The following SLC2A6 variants were observed in gnomAD, a reference collection of about 807,000 sequenced individuals.
The protein encoded by SLC2A6 is solute carrier family 2 member 6, also known as solute carrier family 2, facilitated glucose transporter member 6.
Under a neutral mutation model 47.8 loss-of-function variants are expected in SLC2A6, and 39 were observed. That is an observed-to-expected ratio of 0.82 (90% CI 0.63 to 1.07). The LOEUF is 1.07. Among genes scored for constraint, SLC2A6 ranks in the 50% least tolerant of loss-of-function variants. The probability of loss-of-function intolerance (pLI) is 0.00; values close to 1 mark genes in which losing one functional copy is unlikely to be tolerated. For synonymous variants in SLC2A6, 346 were observed against 324.1 expected (o/e 1.07, Z -0.73); for missense variants, 650 against 707.6 (o/e 0.92, Z 0.92).
Position 133,474,052 on chromosome 9 carries a change from G to T in SLC2A6, c.964C>A (p.Arg322=), listed in dbSNP as rs781878936. The T allele has an allele frequency of 6.2e-7, 1 of 1,609,466 alleles. No individual in the cohort carries two copies. Among genetic ancestry groups the T allele is most frequent in the Admixed American group, 1.7e-5 (1 of 59,812 alleles). ...KDDAAIVGAV[R]LLSVLIAALT... is the part of the protein sequence containing the mutation. ...GCGGCGATCAGCACGGACAGGAGCCGCACGGCCCCAACGATGGCTGCGTCG... is the reference window on the plus strand; with the variant it reads ...GCGGCGATCAGCACGGACAGGAGCCTCACGGCCCCAACGATGGCTGCGTCG... The change falls in exon 7 of 10, where the codon CGG becomes AGG. Residue 322 remains arginine (R), a synonymous_variant. Transcript: ENST00000371899.
chr9:133,477,703 G>A (rs1242242990), intron 2 of SLC2A6, among the ~76,000 whole-genome samples: 1 of 152,238 alleles, frequency 6.6e-6, no homozygotes, highest in Non-Finnish European at 1.5e-5. Context: ...GTTCTACCTC[G>A]TGGCGTTGGC....
Position 133,476,330 on chromosome 9 carries a change from C to A in SLC2A6, c.469G>T (p.Val157Leu). 6.2e-7 allele frequency: 1 copy of A among 1,612,744 alleles called. No homozygotes were observed. The highest frequency in any genetic ancestry group is 8.5e-7 in the Non-Finnish European group (1 of 1,179,792). The change falls in exon 4 of 10, where the codon GTG (valine) becomes TTG (leucine). Residue 157 changes from valine (V) to leucine (L), a missense_variant. Coordinates refer to ENST00000371899, the MANE Select transcript of SLC2A6 (RefSeq NM_017585.4). ...ACGCCTGGGGGAGCAATCTCAGACA[C>A]GTACACCTGCAAGACACAGCCGCCG... Reference protein sequence around the residue: ...GLTAACIPVYVSEIAPPGVRG... With the variant: ...GLTAACIPVYLSEIAPPGVRG...
chr9:133,473,080 C>G, intron 9 of SLC2A6, 25 bp downstream of exon 9: 1 of 1,593,210 alleles, frequency 6.3e-7, no homozygotes, highest in African/African-American at 1.4e-5. Flanking sequence ...GCCTAGGGGC[C>G]TGGGGCCTGG....
rs1452725220 is a variant in SLC2A6, at chr9:133,478,267, G to A, written c.242C>T (p.Ala81Val). Reference sequence around the variant, plus strand: ...GATGGTCCTTACCCCAAACCAGGATGCCTGGGATTTGGTCAGATGCAGGTC... The same window carrying A: ...GATGGTCCTTACCCCAAACCAGGATACCTGGGATTTGGTCAGATGCAGGTC... ...DPDLHLTKSQ[A>V]SWFGSVFTLG... Residue 81 changes from alanine to valine, a missense_variant, in exon 2 of 10, where the codon GCA (alanine) becomes GTA (valine). Transcript: ENST00000371899. 4 of 1,613,902 alleles carry A rather than the reference G, an allele frequency of 2.5e-6. No homozygotes were observed. Among genetic ancestry groups the A allele is most frequent in the Non-Finnish European group, 3.4e-6 (4 of 1,180,000 alleles).
At position 133,474,077 on chromosome 9, in the gene SLC2A6, G is replaced by A. The variant is rs370840549; in HGVS notation, c.939C>T (p.Asp313=). Residue 313 remains aspartate, a synonymous_variant, in exon 7 of 10, where the codon GAC becomes GAT. Coordinates refer to ENST00000371899, the MANE Select transcript of SLC2A6 (RefSeq NM_017585.4). ...DSTAVLLPPK[D]DAAIVGAVRL... ...GCACGGCCCCAACGATGGCTGCGTC[G>A]TCCTTGGGGGGCTATCGGGGGGAGA... is the stretch of plus-strand genomic sequence containing the variant. 40 of 1,604,374 alleles carry A rather than the reference G, an allele frequency of 2.5e-5. No individual in the cohort carries two copies. In the African/African-American group the frequency reaches 2.8e-4, roughly 11 times the overall value.
chr9:133,476,146 G>C, intron 4 of SLC2A6, 91 bp downstream of exon 4: 2 of 1,030,242 alleles, frequency 1.9e-6, no homozygotes, highest in South Asian at 3.0e-5. Flanking sequence ...GATCTGTTCT[G>C]GGACAAATCA....
chr9:133,478,339 A>C lies in SLC2A6; in HGVS notation c.170T>G (p.Val57Gly). ...LGNFSFGYAL[V>G]YTSPVIPALE... ...GGCTGGGATGACAGGGGATGTGTAGACCAGGGCATACCCAAAGCTGAAATT... is the reference window on the plus strand; with the variant it reads ...GGCTGGGATGACAGGGGATGTGTAGCCCAGGGCATACCCAAAGCTGAAATT... Residue 57 changes from valine (V) to glycine (G), a missense_variant, in exon 2 of 10, where the codon GTC (valine) becomes GGC (glycine). Val to Gly is a moderately radical substitution (Grantham distance 109). Coordinates refer to ENST00000371899, the MANE Select transcript of SLC2A6 (RefSeq NM_017585.4). 1 of 1,614,110 alleles carries C rather than the reference A, an allele frequency of 6.2e-7. No homozygotes were observed. The highest frequency in any genetic ancestry group is 8.5e-7 in the Non-Finnish European group (1 of 1,180,002).
At position 133,473,540 on chromosome 9, in the gene SLC2A6, G is replaced by T. The variant is rs781949406; in HGVS notation, c.1097C>A (p.Pro366His). The change falls in exon 8 of 10, where the codon CCT (proline) becomes CAT (histidine). Residue 366 changes from proline (P) to histidine (H), a missense_variant. Coordinates refer to ENST00000371899, the MANE Select transcript of SLC2A6 (RefSeq NM_017585.4). ...GCCCGCAGTGCTGTTGGGGCTCAGA[G>T]GCCTGGGGCCAAAGTGGATGTACAG... The part of the protein sequence containing the change: ...LGLYIHFGPR[P>H]LSPNSTAGLE... The T allele has an allele frequency of 1.3e-6, 2 of 1,583,910 alleles. No individual in the cohort carries two copies. The highest frequency in any genetic ancestry group is 3.6e-5 in the Admixed American group (2 of 55,342).
intron 6 of SLC2A6, 84 bp from the exon 7 acceptor site, chr9:133,474,172 T>G: frequency 1.8e-6 from 2 of 1,129,494 alleles, no homozygotes; most frequent in Non-Finnish European, 2.5e-6. Flanking sequence ...CGGCAGGCAT[T>G]GCAGGGGCTC....
chr9:133,476,445 C>A, intron 3 of SLC2A6, 109 bp from the exon 4 acceptor site: 1 of 926,968 alleles, frequency 1.1e-6, no homozygotes, highest in Non-Finnish European at 1.7e-6. Context: ...GAAGTGGAGG[C>A]TTTCTGGTGG....
rs782031901 is a variant in SLC2A6 at position 133,472,062 on chromosome 9, C to T, written c.1483G>A (p.Glu495Lys). The change falls in exon 10 of 10, where the codon GAG becomes AAG. Residue 495 changes from glutamate to lysine, a missense_variant. Physicochemically the swap from Glu to Lys is moderately conservative, Grantham distance 56. Transcript: ENST00000371899. The part of the protein sequence containing the change: ...ETKGRSLEQI[E>K]SFFRTGRRSF... ...CTTCTCCCCGTGCGGAAGAAGGACT[C>T]GATCTGCTCCAGGGACCGTCCCTTG... The T allele has an allele frequency of 4.3e-6, 7 of 1,613,164 alleles. No homozygotes were observed. The highest frequency in any genetic ancestry group is 2.7e-5 in the African/African-American group (2 of 74,878).
rs1554801628 is a variant in SLC2A6 at position 133,472,036 on chromosome 9, C to A, written c.1509G>T (p.Arg503Ser). 9 of 1,612,818 alleles carry A rather than the reference C, an allele frequency of 5.6e-6. No individual in the cohort carries two copies. Among genetic ancestry groups the A allele is most frequent in the Non-Finnish European group, 5.1e-6 (6 of 1,179,672 alleles). The change falls in exon 10 of 10, where the codon AGG becomes AGT. Residue 503 changes from arginine to serine, a missense_variant. By Grantham distance (110) the Arg-to-Ser change is moderately radical. Coordinates refer to ENST00000371899, the MANE Select transcript of SLC2A6 (RefSeq NM_017585.4). Reference protein sequence around the residue: ...QIESFFRTGRRSFLR With the variant: ...QIESFFRTGRSSFLR Reference sequence around the variant, plus strand: ...GGACCTTGACCTAGCGCAAGAAGGACCTTCTCCCCGTGCGGAAGAAGGACT... The same window carrying A: ...GGACCTTGACCTAGCGCAAGAAGGAACTTCTCCCCGTGCGGAAGAAGGACT...
Position 133,474,038 on chromosome 9 carries a change from C to T in SLC2A6, c.978G>A (p.Val326=). ...GGTCCATGGTGAGGGCGGCGATCAG[C>T]ACGGACAGGAGCCGCACGGCCCCAA... ...AIVGAVRLLS[V]LIAALTMDLA... The change falls in exon 7 of 10, where the codon GTG becomes GTA. Residue 326 remains valine (V), a synonymous_variant. Transcript: ENST00000371899. 6.2e-7 allele frequency: 1 copy of T among 1,610,946 alleles called. No individual in the cohort carries two copies. Among genetic ancestry groups the T allele is most frequent in the Non-Finnish European group, 8.5e-7 (1 of 1,179,154 alleles).
In SLC2A6 at chr9:133,475,454, C is replaced by G. The variant is rs373828869; in HGVS notation, c.720G>C (p.Thr240=). ...CGAACTCCCAGTGGACATCGACGTCCGTCCCACGCAGCCAGGCCAGCGCCC... is the reference window on the plus strand; with the variant it reads ...CGAACTCCCAGTGGACATCGACGTCGGTCCCACGCAGCCAGGCCAGCGCCC... The part of the protein sequence containing the change: ...ALRALAWLRG[T]DVDVHWEFEQ... Residue 240 remains threonine (T), a synonymous_variant, in exon 5 of 10, where the codon ACG becomes ACC. Transcript: ENST00000371899. 5.6e-6 allele frequency: 9 copies of G among 1,611,582 alleles called. No individual in the cohort carries two copies. In the African/African-American group the frequency reaches 1.2e-4, roughly 22 times the overall value.
Position 133,475,566 on chromosome 9 carries a change from G to T in SLC2A6, c.608C>A (p.Pro203His), listed in dbSNP as rs1554803117. 6.2e-7 allele frequency: 1 copy of T among 1,608,220 alleles called. No homozygotes were observed. The highest frequency in any genetic ancestry group is 8.5e-7 in the Non-Finnish European group (1 of 1,178,974). ...WRWLAVAGEA[P>H]VLIMILLLSF... is the part of the protein sequence containing the mutation. ...GAGCAGCAGGATCATGATGAGCACA[G>T]GCGCCTCCCCGGCCACAGCCAGCCA... is the stretch of plus-strand genomic sequence containing the variant. Residue 203 changes from proline (P) to histidine (H), a missense_variant, in exon 5 of 10, where the codon CCT becomes CAT. Transcript: ENST00000371899.
At chr9:133,475,266 C>A (rs1342383736) in intron 5 of SLC2A6, 134 bp downstream of exon 5, 3 of 1,363,866 alleles carry the variant, frequency 2.2e-6, no homozygotes, top group Admixed American at 2.8e-5. Flanking sequence ...TGGGAACAGC[C>A]CCCCACCCCA....
Position 133,475,079 on chromosome 9 carries a change from G to A in SLC2A6, c.809C>T (p.Pro270Leu). 1 of 1,591,990 alleles carries A rather than the reference G, an allele frequency of 6.3e-7. No individual in the cohort carries two copies. The highest frequency in any genetic ancestry group is 8.5e-7 in the Non-Finnish European group (1 of 1,171,894). The change falls in exon 6 of 10, where the codon CCA (proline) becomes CTA (leucine). Residue 270 changes from proline to leucine, a missense_variant. By Grantham distance (98) the Pro-to-Leu change is moderately conservative. Coordinates refer to ENST00000371899, the MANE Select transcript of SLC2A6 (RefSeq NM_017585.4). ...CACGGTGATGGGCCGGCACACGTGT[G>A]GGGCCCGTGCCTCAGCCCACGATAC... ...SRVSWAEARA[P>L]HVCRPITVAL...
Position 133,474,019 on chromosome 9 carries a change from T to A in SLC2A6, c.997A>T (p.Met333Leu). 1 of 1,610,948 alleles carries A rather than the reference T, an allele frequency of 6.2e-7. No homozygotes were observed. The highest frequency in any genetic ancestry group is 1.7e-4 in the Middle Eastern group (1 of 5,882). Residue 333 changes from methionine to leucine, a missense_variant, in exon 7 of 10, where the codon ATG (methionine) becomes TTG (leucine). Coordinates refer to ENST00000371899, the MANE Select transcript of SLC2A6 (RefSeq NM_017585.4). ...AGCACCTTGCGGCCTGCGAGGTCCA[T>A]GGTGAGGGCGGCGATCAGCACGGAC... The part of the protein sequence containing the change: ...LLSVLIAALT[M>L]DLAGRKVLLF...
At chr9:133,473,024 T>C in intron 9 of SLC2A6, 81 bp downstream of exon 9, 4 of 1,453,786 alleles carry the variant, frequency 2.8e-6, no homozygotes, top group Non-Finnish European at 3.7e-6. Context: ...CAGCAGGCCT[T>C]GGCACAGCCC....
Sources: allele counts gnomAD v4.1 joint callset (sites outside exome capture counted in the v4.1 genomes callset), GRCh38; gene constraint gnomAD v4.1.1; transcripts MANE v1.5; gene names NCBI Gene and HGNC (gene_info 2026-07-23, HGNC 2026-07-21).